Variants in PTPRD observed in about 807,000 individuals in gnomAD.
PTPRD encodes protein tyrosine phosphatase receptor type D.
PTPRD carries 34 observed loss-of-function variants against 214.5 expected under a neutral mutation model. That is an observed-to-expected ratio of 0.16 (90% CI 0.12 to 0.21). PTPRD has a LOEUF of 0.21. PTPRD is among the 10% of genes least tolerant of loss of function. PTPRD has a pLI of 1.00. For synonymous variants in PTPRD, 1,128 were observed against 845.7 expected (o/e 1.33, Z -5.79); for missense variants, 2,545 against 2,398.7 (o/e 1.06, Z -1.27).
Position 8,332,409 on chromosome 9 carries a change from G to C in PTPRD, c.5380-673C>G, listed in dbSNP as rs947272996. 8.5e-5 allele frequency among the ~76,000 whole-genome samples: 13 copies of C among 152,196 alleles called. No individual in the cohort carries two copies. The East Asian group carries it at 2.3e-3, about 27-fold the overall frequency. ...AACCATATGACTGTGCTGTTAAGTG[G>C]GAAGTAAAGCATCCCTCAAGGATAC... is the stretch of plus-strand genomic sequence containing the variant. On this transcript the variant is annotated intron_variant, in intron 43 of 45. Coordinates refer to ENST00000381196, the MANE Select transcript of PTPRD (RefSeq NM_002839.4).
intron 5 of PTPRD, among the ~76,000 whole-genome samples, chr9:9,768,335 G>A (rs1438446106): frequency 2.0e-5 from 3 of 152,086 alleles, no homozygotes; most frequent in Non-Finnish European, 1.5e-5. Flanking sequence ...ACTAATAAAT[G>A]TTAGCTATTA....
At chr9:9,541,909 G>C (rs1445716714) in intron 8 of PTPRD, among the ~76,000 whole-genome samples, 1 of 151,684 alleles carries the variant, frequency 6.6e-6, no homozygotes, top group Non-Finnish European at 1.5e-5. Context: ...AAGAAGAAAA[G>C]TCTAAGATAA....
chr9:9,961,011 G>A (rs1408302381), intron 4 of PTPRD, among the ~76,000 whole-genome samples: 2 of 152,028 alleles, frequency 1.3e-5, no homozygotes, highest in South Asian at 4.1e-4. Flanking sequence ...GATATGAACA[G>A]ACACTTCTCA....
At chr9:10,061,898 G>T (rs140466584) in intron 3 of PTPRD, among the ~76,000 whole-genome samples, 1 of 151,858 alleles carries the variant, frequency 6.6e-6, no homozygotes, top group South Asian at 2.1e-4. Context: ...CCCGGAACTC[G>T]CTAGAAATGC....
At chr9:10,502,829 G>C (rs2044239222) in intron 2 of PTPRD, among the ~76,000 whole-genome samples, 1 of 151,948 alleles carries the variant, frequency 6.6e-6, no homozygotes, top group Admixed American at 6.6e-5. Context: ...AATAGTAATA[G>C]AATCACTGAA....
intron 8 of PTPRD, among the ~76,000 whole-genome samples, chr9:9,460,635 T>C (rs947345940): frequency 6.6e-6 from 1 of 152,034 alleles, no homozygotes; most frequent in Non-Finnish European, 1.5e-5. Flanking sequence ...TACCATCTTA[T>C]ACCAAATAGA....
At chr9:9,103,482 T>C (rs1261142509) in intron 10 of PTPRD, among the ~76,000 whole-genome samples, 3 of 152,178 alleles carry the variant, frequency 2.0e-5, no homozygotes, top group Non-Finnish European at 4.4e-5. Flanking sequence ...TGAACTTATA[T>C]ATGTTAAATG....
intron 9 of PTPRD, among the ~76,000 whole-genome samples, chr9:9,337,668 T>A (rs1488830437): frequency 2.6e-5 from 4 of 152,190 alleles, no homozygotes; most frequent in Non-Finnish European, 5.9e-5. Context: ...TGTGATGACT[T>A]TGCCAAGAAG....
chr9:8,624,665 C>T (rs569009468), intron 14 of PTPRD, among the ~76,000 whole-genome samples: 1 of 151,882 alleles, frequency 6.6e-6, no homozygotes, highest in South Asian at 2.1e-4. Context: ...AAAAGATAGC[C>T]AGGATCACCC....
At chr9:10,232,477 G>A (rs1032563246) in intron 3 of PTPRD, among the ~76,000 whole-genome samples, 3 of 151,992 alleles carry the variant, frequency 2.0e-5, no homozygotes, top group African/African-American at 7.2e-5. Flanking sequence ...AGTAAAGGAA[G>A]AGTACAACAA....
Position 10,157,819 on chromosome 9 carries a change from A to G in PTPRD, c.-544-124029T>C, listed in dbSNP as rs73396354. Among the ~76,000 whole-genome samples, 1,163 of 152,026 alleles carry G rather than the reference A, an allele frequency of 7.7e-3. 13 individuals are homozygous for G. The highest frequency in any genetic ancestry group is 0.025 in the African/African-American group (1,035 of 41,490). On this transcript the variant is annotated intron_variant, in intron 3 of 45. Transcript: ENST00000381196. ...CTCCATACATAACCTCATGCTTTTC[A>G]TTAGTTTTATTTATTATTTTTTATT...
intron 36 of PTPRD, among the ~76,000 whole-genome samples, chr9:8,399,071 T>G (rs1467795842): frequency 6.7e-6 from 1 of 148,732 alleles, no homozygotes; most frequent in South Asian, 2.1e-4. Flanking sequence ...TAGCCAATAA[T>G]CCTATTTAGA....
chr9:8,427,657 ATTC>A (rs1241111920), intron 35 of PTPRD, among the ~76,000 whole-genome samples: 11 of 152,042 alleles, frequency 7.2e-5, no homozygotes, highest in East Asian at 3.9e-4. Context: ...TCAGTCTTTT[ATTC>A]TTCTTCTTCT....
At chr9:9,388,159 TC>T (rs1402605195) in intron 9 of PTPRD, among the ~76,000 whole-genome samples, 1 of 152,140 alleles carries the variant, frequency 6.6e-6, no homozygotes, top group African/African-American at 2.4e-5. Context: ...GCCGCTTGTG[TC>T]TTCTTCCATT....
chr9:8,378,132 A>G (rs2083822464), intron 37 of PTPRD, among the ~76,000 whole-genome samples: 1 of 152,118 alleles, frequency 6.6e-6, no homozygotes, highest in Non-Finnish European at 1.5e-5. Flanking sequence ...AATTGTCCAC[A>G]GTAAGACAAA....
At chr9:8,409,793 C>T (rs559063351) in intron 35 of PTPRD, among the ~76,000 whole-genome samples, 1 of 152,270 alleles carries the variant, frequency 6.6e-6, no homozygotes, top group Non-Finnish European at 1.5e-5. Flanking sequence ...AAAGATCATC[C>T]TGTTTTTGTG....
chr9:8,340,736 CATTGTCATACAAATTACTTA>C (rs1370678936), intron 41 of PTPRD, among the ~76,000 whole-genome samples: 1 of 148,640 alleles, frequency 6.7e-6, no homozygotes, highest in Non-Finnish European at 1.5e-5. Context: ...AGCTCAATTT[CATTGTCATACAAATTACTTA>C]AGAAACACTT....
In PTPRD at chr9:10,161,269, A is replaced by G. The variant is rs979323767; in HGVS notation, c.-544-127479T>C. Reference sequence around the variant, plus strand: ...TGAATAGCCAAAGCAATCCTAAACAAAAAGAACAAAGCATCACACTACCTG... The same window carrying G: ...TGAATAGCCAAAGCAATCCTAAACAGAAAGAACAAAGCATCACACTACCTG... On this transcript the variant is annotated intron_variant, in intron 3 of 45. Transcript: ENST00000381196. Among the ~76,000 whole-genome samples the G allele has an allele frequency of 4.0e-5, 6 of 151,866 alleles. No homozygotes were observed. The East Asian group carries it at 5.8e-4, about 15-fold the overall frequency.
At chr9:10,370,308 A>C (rs1281583664) in intron 2 of PTPRD, among the ~76,000 whole-genome samples, 1 of 152,132 alleles carries the variant, frequency 6.6e-6, no homozygotes, top group African/African-American at 2.4e-5. Context: ...CAAGCAAGCC[A>C]CTTAACTGTG....
Sources: allele counts gnomAD v4.1 joint callset (sites outside exome capture counted in the v4.1 genomes callset), GRCh38; gene constraint gnomAD v4.1.1; transcripts MANE v1.5; gene names NCBI Gene and HGNC (gene_info 2026-07-23, HGNC 2026-07-21).